Variants in TUFT1 observed in about 807,000 individuals in gnomAD.
The protein encoded by TUFT1 is tuftelin 1.
A neutral mutation model predicts 57.8 loss-of-function variants in TUFT1; 43 were observed. That is an observed-to-expected ratio of 0.74 (90% CI 0.58 to 0.96). The LOEUF (loss-of-function observed/expected upper bound fraction) is 0.96, where lower values mean the gene tolerates loss of function less well. Ranked by LOEUF, TUFT1 falls within the 40% of genes least tolerant of loss-of-function variation. The pLI, the probability that TUFT1 is intolerant of heterozygous loss-of-function variation, is 0.00. For synonymous variants in TUFT1, 166 were observed against 176.7 expected (o/e 0.94, Z 0.48); for missense variants, 459 against 489.0 (o/e 0.94, Z 0.58).
chr1:151,566,280 C>A, intron 6 of TUFT1, 52 bp downstream of exon 6: 2 of 1,450,072 alleles, frequency 1.4e-6, no homozygotes, highest in Non-Finnish European at 1.9e-6. Flanking sequence ...GGCAGGATTG[C>A]CTCCTCCCCA....
In TUFT1 at chr1:151,562,626, T is replaced by C; in HGVS notation, c.177T>C (p.Ala59=). Residue 59 remains alanine (A), a synonymous_variant, in exon 3 of 13, where the codon GCT becomes GCC. Transcript: ENST00000368849. The part of the protein sequence containing the change: ...KTYAMVSSHS[A]GHSLASELVE... ...ATGCCATGGTGTCCAGCCACTCAGC[T>C]GGTCATTCTCTGGCTTCAGAACTGG... 1.2e-6 allele frequency: 2 copies of C among 1,613,120 alleles called. No homozygotes were observed. The highest frequency in any genetic ancestry group is 1.7e-6 in the Non-Finnish European group (2 of 1,180,024).
Position 151,542,391 on chromosome 1 carries a change from T to A in TUFT1, c.60+1965T>A, listed in dbSNP as rs913995347. 1.1e-4 allele frequency among the ~76,000 whole-genome samples: 11 copies of A among 97,490 alleles called. No individual in the cohort carries two copies. The East Asian group carries it at 5.1e-3, about 45-fold the overall frequency. The allele number at this position is 97,490 out of a possible 152,430, so 64.0% of individuals were successfully genotyped here. A position where few individuals can be genotyped will look rare whatever the true frequency, so the allele number is the denominator to read the frequency against. On this transcript the variant is annotated intron_variant, in intron 1 of 12. Transcript: ENST00000368849. ...CACATGCCACCACACCTGACTAAAA[T>A]TTTTTTTTTTTTTTTCTGTTGGTAG...
At chr1:151,550,346 C>T (rs973764376) in intron 1 of TUFT1, among the ~76,000 whole-genome samples, 8 of 150,482 alleles carry the variant, frequency 5.3e-5, no homozygotes, top group African/African-American at 1.5e-4. Context: ...ATAGTTTTTT[C>T]GTTTGTTTGT....
chr1:151,546,797 C>T (rs1292819465), intron 1 of TUFT1, among the ~76,000 whole-genome samples: 1 of 152,120 alleles, frequency 6.6e-6, no homozygotes, highest in Non-Finnish European at 1.5e-5. Context: ...TGGGTTCTTT[C>T]TACTTTTTGG....
intron 3 of TUFT1, among the ~76,000 whole-genome samples, chr1:151,563,401 T>G (rs1362271646): frequency 1.3e-5 from 2 of 152,196 alleles, no homozygotes; most frequent in African/African-American, 4.8e-5. Flanking sequence ...CCATTTTTAC[T>G]GTATTTTTTC....
intron 1 of TUFT1, among the ~76,000 whole-genome samples, chr1:151,561,001 T>TGTGTGA (rs1558007301): frequency 1.2e-4 from 15 of 129,982 alleles, no homozygotes; most frequent in African/African-American, 3.7e-4. Flanking sequence ...TGTGTGTGTG[T>TGTGTGA]GTGAGTGTTT....
chr1:151,562,679 T>G lies in TUFT1; in HGVS notation c.230T>G (p.Ile77Ser), dbSNP rs1665935466. 5.0e-6 allele frequency: 8 copies of G among 1,613,306 alleles called. No homozygotes were observed. The East Asian group carries it at 1.8e-4, about 36-fold the overall frequency. ...GAGTCCCATGATGGACATGAGGAGA[T>G]CATTAAGGTAAGCTTAGTTCACCTC... ...LVESHDGHEE[I>S]IKVYLKGRSG... The change falls in exon 3 of 13, where the codon ATC becomes AGC. Residue 77 changes from isoleucine (I) to serine (S), a missense_variant. Physicochemically the swap from Ile to Ser is moderately radical, Grantham distance 142. Transcript: ENST00000368849.
intron 1 of TUFT1, among the ~76,000 whole-genome samples, chr1:151,554,695 CT>C (rs771656418): frequency 0.35 from 29,772 of 85,662 alleles, 5,871 homozygotes; most frequent in East Asian, 0.61. Context: ...GCCCGGCCCC[CT>C]TTTTTTTTTT....
rs1318906156 is a variant in TUFT1, at chr1:151,582,963, T to A, written c.*1256T>A. On this transcript the variant is annotated 3_prime_UTR_variant, in exon 13 of 13. Transcript: ENST00000368849. ...GTTTTTTTTTTTTTCTGAGACAGAGTCTCACTCTGTCACCCAGGCTGGAGT... is the reference window on the plus strand; with the variant it reads ...GTTTTTTTTTTTTTCTGAGACAGAGACTCACTCTGTCACCCAGGCTGGAGT... The A allele has an allele frequency of 6.7e-6, 1 of 149,684 alleles. No individual in the cohort carries two copies. Among genetic ancestry groups the A allele is most frequent in the Non-Finnish European group, 1.5e-5 (1 of 67,578 alleles). 9.3% of individuals were successfully genotyped at this position (149,684 alleles called of 1,614,324 possible). A position where few individuals can be genotyped will look rare whatever the true frequency, so the allele number is the denominator to read the frequency against.
At chr1:151,580,269 A>G (rs1666605867) in intron 11 of TUFT1, among the ~76,000 whole-genome samples, 2 of 152,240 alleles carry the variant, frequency 1.3e-5, no homozygotes, top group African/African-American at 2.4e-5. Flanking sequence ...TGCAGTCTAT[A>G]GTCAGAGATA....
At chr1:151,579,325 G>A (rs939761571) in intron 10 of TUFT1, among the ~76,000 whole-genome samples, 1 of 152,118 alleles carries the variant, frequency 6.6e-6, no homozygotes, top group African/African-American at 2.4e-5. Context: ...CCATTATCTC[G>A]AACAGAGTCA....
At chr1:151,575,786 C>G (rs181505004) in intron 9 of TUFT1, among the ~76,000 whole-genome samples, 1 of 152,178 alleles carries the variant, frequency 6.6e-6, no homozygotes, top group Non-Finnish European at 1.5e-5. Flanking sequence ...ATCTGAAGGG[C>G]CTTTTAAGGA....
chr1:151,557,950 G>T, intron 1 of TUFT1: 1 of 614,226 alleles, frequency 1.6e-6, no homozygotes, highest in Non-Finnish European at 3.1e-6. Context: ...AAATTGGAGA[G>T]GATTATTTTG....
chr1:151,561,465 G>GCACACACACACACACACA (rs1186376621), intron 1 of TUFT1: 13 of 295,348 alleles, frequency 4.4e-5, no homozygotes, highest in South Asian at 3.8e-4. Flanking sequence ...AGTCATGCGC[G>GCACACACACACACACACA]CGCGCGCGCA....
chr1:151,564,027 A>G lies in TUFT1; in HGVS notation c.324+37A>G, dbSNP rs541439976. ...TTACCTCTCACGCAGTGCCTAGGTC[A>G]TTTCTCTAAATCTCACATTTTTTGT... On this transcript the variant is annotated intron_variant, in intron 4 of 12. Coordinates refer to ENST00000368849, the MANE Select transcript of TUFT1 (RefSeq NM_020127.3). 6 of 1,502,642 alleles carry G rather than the reference A, an allele frequency of 4.0e-6. No individual in the cohort carries two copies. In the East Asian group the frequency reaches 9.1e-5, roughly 23 times the overall value. The allele number at this position is 1,502,642 out of a possible 1,614,324, so 93.1% of individuals were successfully genotyped here.
chr1:151,574,944 G>T lies in TUFT1; in HGVS notation c.757G>T (p.Gly253Trp), dbSNP rs940635805. The change falls in exon 9 of 13, where the codon GGG becomes TGG. Residue 253 changes from glycine to tryptophan, a missense_variant. Transcript: ENST00000368849. Reference protein sequence around the residue: ...HQALLAKVREGEVALEELRSN... With the variant: ...HQALLAKVREWEVALEELRSN... ...GGCCTTACTGGCGAAAGTGAGGGAA[G>T]GGGAGGTGGCCCTAGAGGAACTTCG... is the stretch of plus-strand genomic sequence containing the variant. 3 of 1,578,382 alleles carry T rather than the reference G, an allele frequency of 1.9e-6. No homozygotes were observed. Among genetic ancestry groups the T allele is most frequent in the Non-Finnish European group, 2.6e-6 (3 of 1,161,676 alleles).
intron 8 of TUFT1, 30 bp from the exon 9 acceptor site, chr1:151,574,881 A>C: frequency 6.5e-7 from 1 of 1,541,994 alleles, no homozygotes; most frequent in Non-Finnish European, 8.8e-7. Flanking sequence ...CCATCTTCTC[A>C]TCCTAGATTT....
intron 1 of TUFT1, among the ~76,000 whole-genome samples, chr1:151,556,859 A>G (rs1278352648): frequency 1.3e-5 from 2 of 152,154 alleles, no homozygotes; most frequent in Non-Finnish European, 2.9e-5. Context: ...ATCCCAGTTC[A>G]GTTACGTGGG....
At chr1:151,550,065 T>C (rs891215372) in intron 1 of TUFT1, among the ~76,000 whole-genome samples, 1 of 151,922 alleles carries the variant, frequency 6.6e-6, no homozygotes, top group African/African-American at 2.4e-5. Context: ...TGTTTTATTA[T>C]AGGAGTGTCA....
Sources: allele counts gnomAD v4.1 joint callset (sites outside exome capture counted in the v4.1 genomes callset), GRCh38; gene constraint gnomAD v4.1.1; transcripts MANE v1.5; gene names NCBI Gene and HGNC (gene_info 2026-07-23, HGNC 2026-07-21).